Variants in EYS observed in about 807,000 individuals in gnomAD.
The protein encoded by EYS is EGF-like photoreceptor maintenance factor.
In EYS, 250 loss-of-function variants were observed where a neutral mutation model predicts 282.1. That is an observed-to-expected ratio of 0.89 (90% CI 0.80 to 0.98). EYS has a LOEUF of 0.98. Among genes scored for constraint, EYS ranks in the 50% least tolerant of loss-of-function variants. The pLI, the probability that EYS is intolerant of heterozygous loss-of-function variation, is 0.00. For missense variants in EYS, 4,016 were observed against 3,709.0 expected (o/e 1.08, Z -2.15); for synonymous variants, 1,355 against 1,282.9 (o/e 1.06, Z -1.20).
chr6:64,755,762 G>A (rs1354230306), intron 22 of EYS, among the ~76,000 whole-genome samples: 2 of 152,082 alleles, frequency 1.3e-5, no homozygotes, highest in African/African-American at 4.8e-5. Flanking sequence ...GGTGAGGGGG[G>A]TGAGGGATGA....
chr6:64,886,725 G>A lies in EYS; in HGVS notation c.2964C>T (p.Tyr988=). 1 of 1,546,270 alleles carries A rather than the reference G, an allele frequency of 6.5e-7. No homozygotes were observed. Among genetic ancestry groups the A allele is most frequent in the Non-Finnish European group, 8.7e-7 (1 of 1,144,140 alleles). ...EENCVYRTDG[Y]NCLCAPGYTG... ...TATAACCAGGGGCACAGAGGCAGTT[G>A]TATCCATCAGTCCTGTAGACACAAT... is the stretch of plus-strand genomic sequence containing the variant. Residue 988 remains tyrosine (Y), a synonymous_variant, in exon 19 of 43, where the codon TAC becomes TAT. Transcript: ENST00000503581.
At chr6:64,727,250 G>A (rs1421243693) in intron 22 of EYS, among the ~76,000 whole-genome samples, 2 of 152,070 alleles carry the variant, frequency 1.3e-5, no homozygotes, top group African/African-American at 4.8e-5. Flanking sequence ...CTTGGAGGTG[G>A]GACGATGCTC....
Position 64,902,461 on chromosome 6 carries a change from C to T in EYS, c.2681G>A (p.Cys894Tyr), listed in dbSNP as rs1207492781. The part of the protein sequence containing the change: ...GKNCEIDVKD[C>Y]LFLSCQDYGD... Reference sequence around the variant, plus strand: ...ATAATCCTGGCAGGAAAGGAAGAGGCAGTCTTTCACATCAATTTCACAGTT... The same window carrying T: ...ATAATCCTGGCAGGAAAGGAAGAGGTAGTCTTTCACATCAATTTCACAGTT... The change falls in exon 17 of 43, where the codon TGC (cysteine) becomes TAC (tyrosine). Residue 894 changes from cysteine (C) to tyrosine (Y), a missense_variant. Cys to Tyr is a radical substitution (Grantham distance 194). Transcript: ENST00000503581. The T allele has an allele frequency of 1.3e-6, 2 of 1,535,078 alleles. No homozygotes were observed. Among genetic ancestry groups the T allele is most frequent in the Admixed American group, 2.2e-5 (1 of 45,522 alleles).
At chr6:65,244,680 T>C (rs1767136159) in intron 12 of EYS, among the ~76,000 whole-genome samples, 1 of 90,622 alleles carries the variant, frequency 1.1e-5, no homozygotes. Flanking sequence ...TCCCGGGTAA[T>C]TTTTTGTATT....
chr6:65,073,883 T>G (rs945966819), intron 12 of EYS, among the ~76,000 whole-genome samples: 1 of 151,962 alleles, frequency 6.6e-6, no homozygotes, highest in Non-Finnish European at 1.5e-5. Flanking sequence ...AACTAAACAC[T>G]GCCACCTAGA....
chr6:64,164,803 C>T (rs1442639955), intron 31 of EYS, among the ~76,000 whole-genome samples: 1 of 152,040 alleles, frequency 6.6e-6, no homozygotes, highest in East Asian at 1.9e-4. Flanking sequence ...TGGTCCTCTG[C>T]CTTATTGTTA....
chr6:65,142,076 A>G (rs1764359788), intron 12 of EYS, among the ~76,000 whole-genome samples: 1 of 152,062 alleles, frequency 6.6e-6, no homozygotes, highest in African/African-American at 2.4e-5. Context: ...TAGATCTTTC[A>G]ACTTGTTCAT....
chr6:64,948,619 AG>A (rs1769379350), intron 14 of EYS, among the ~76,000 whole-genome samples: 4 of 147,444 alleles, frequency 2.7e-5, no homozygotes, highest in Non-Finnish European at 4.5e-5. Context: ...ATTAAATAAT[AG>A]TAAATACTAG....
intron 1 of EYS, among the ~76,000 whole-genome samples, chr6:65,647,657 T>C (rs558397799): frequency 6.6e-6 from 1 of 152,274 alleles, no homozygotes; most frequent in South Asian, 2.1e-4. Context: ...AAAACAAAGA[T>C]ATTGTAAATA....
chr6:65,168,503 A>G (rs1270416180), intron 12 of EYS, among the ~76,000 whole-genome samples: 1 of 151,198 alleles, frequency 6.6e-6, no homozygotes, highest in African/African-American at 2.4e-5. Flanking sequence ...GTAACATCAA[A>G]TGACAGAAGA....
Position 64,591,337 on chromosome 6 carries a change from T to A in EYS, c.4530A>T (p.Ser1510=), listed in dbSNP as rs1582929801. 2 of 1,551,104 alleles carry A rather than the reference T, an allele frequency of 1.3e-6. No individual in the cohort carries two copies. The highest frequency in any genetic ancestry group is 4.9e-5 in the East Asian group (2 of 40,902). The change falls in exon 26 of 43, where the codon TCA becomes TCT. Residue 1510 remains serine (S), a synonymous_variant. Transcript: ENST00000503581. ...TTGTACTGAACCGGTGCAGAGCTGA[T>A]GAGTTTAAGATGGTTACCTGTTTAG... ...IISKQVTILN[S]SALHRFSTKA...
At chr6:65,100,729 C>T (rs930298145) in intron 12 of EYS, among the ~76,000 whole-genome samples, 1 of 150,082 alleles carries the variant, frequency 6.7e-6, no homozygotes, top group African/African-American at 2.4e-5. Flanking sequence ...CTATTGCTGA[C>T]TTCGTTTGTT....
intron 26 of EYS, among the ~76,000 whole-genome samples, chr6:64,455,978 G>A (rs890947298): frequency 2.6e-5 from 4 of 151,974 alleles, no homozygotes; most frequent in Non-Finnish European, 4.4e-5. Flanking sequence ...CTGTTCTGAT[G>A]GTATGTACAC....
At chr6:65,163,647 T>C (rs1362808020) in intron 12 of EYS, among the ~76,000 whole-genome samples, 1 of 151,274 alleles carries the variant, frequency 6.6e-6, no homozygotes. Context: ...GGATAAAGCA[T>C]ATGGGCCAAA....
intron 30 of EYS, among the ~76,000 whole-genome samples, chr6:64,242,713 T>C (rs991610574): frequency 5.3e-5 from 8 of 151,652 alleles, no homozygotes; most frequent in Non-Finnish European, 1.0e-4. Context: ...CTAAGGATAA[T>C]ATTTTCAATA....
intron 2 of EYS, among the ~76,000 whole-genome samples, chr6:65,555,421 CCTTTA>C (rs1386952507): frequency 3.3e-5 from 5 of 151,758 alleles, no homozygotes; most frequent in Admixed American, 1.3e-4. Context: ...TCTATTTAGC[CCTTTA>C]CTTTATTTTT....
intron 28 of EYS, among the ~76,000 whole-genome samples, chr6:64,434,084 T>A (rs1274091973): frequency 1.3e-5 from 2 of 152,056 alleles, no homozygotes; most frequent in African/African-American, 4.8e-5. Context: ...GAGGTCATTA[T>A]GGTAGGCTTT....
chr6:64,222,922 A>G (rs909233903), intron 31 of EYS, among the ~76,000 whole-genome samples: 1 of 152,006 alleles, frequency 6.6e-6, no homozygotes, highest in East Asian at 1.9e-4. Flanking sequence ...CAAGAAAATT[A>G]TCGGTACTTA....
intron 14 of EYS, among the ~76,000 whole-genome samples, chr6:64,959,233 C>T (rs1182613396): frequency 6.6e-6 from 1 of 152,070 alleles, no homozygotes; most frequent in Non-Finnish European, 1.5e-5. Context: ...CATAATTCCT[C>T]AATAATAATT....
Sources: gnomAD v4.1 joint callset for allele counts (sites outside exome capture counted in the v4.1 genomes callset) on GRCh38, gnomAD v4.1.1 for gene constraint, MANE v1.5 for transcripts, NCBI Gene and HGNC (gene_info 2026-07-23, HGNC 2026-07-21) for gene names.